PTPRM: variants seen among roughly 807,000 people sequenced by gnomAD.
PTPRM encodes receptor-type tyrosine-protein phosphatase mu.
A neutral mutation model predicts 186.7 loss-of-function variants in PTPRM; 47 were observed. That is an observed-to-expected ratio of 0.25 (90% CI 0.20 to 0.32). The LOEUF (loss-of-function observed/expected upper bound fraction) is 0.32, where lower values mean the gene tolerates loss of function less well. PTPRM is among the 10% of genes least tolerant of loss of function. The pLI, the probability that PTPRM is intolerant of heterozygous loss-of-function variation, is 1.00. For missense variants in PTPRM, 1,494 were observed against 1,865.0 expected, an observed-to-expected ratio of 0.80 and a Z score of 3.66; for synonymous variants, 668 against 674.9, an observed-to-expected ratio of 0.99 and a Z score of 0.16.
chr18:7,712,150 C>A (rs963456751), intron 1 of PTPRM, among the ~76,000 whole-genome samples: 1 of 152,174 alleles, frequency 6.6e-6, no homozygotes, highest in African/African-American at 2.4e-5. Context: ...TGGGACAAAG[C>A]TTCCAGAGGA....
At chr18:7,927,392 G>A (rs892199602) in intron 5 of PTPRM, among the ~76,000 whole-genome samples, 2 of 151,642 alleles carry the variant, frequency 1.3e-5, no homozygotes, top group Non-Finnish European at 2.9e-5. Context: ...TTTCTTTTAA[G>A]CATTAATCTG....
At chr18:8,153,283 G>C (rs868450526) in intron 14 of PTPRM, among the ~76,000 whole-genome samples, 2 of 152,156 alleles carry the variant, frequency 1.3e-5, no homozygotes, top group Admixed American at 6.5e-5. Context: ...TGTGACCCTA[G>C]CTAAATGTCA....
rs147502551 is a variant in PTPRM at position 7,855,747 on chromosome 18, C to T, written c.197-32359C>T. ...TATTTGGCAATGGAAAAATAGAGCCCTCCATCTGAGAAGACACTGTTTCCT... is the reference window on the plus strand; with the variant it reads ...TATTTGGCAATGGAAAAATAGAGCCTTCCATCTGAGAAGACACTGTTTCCT... On this transcript the variant is annotated intron_variant, in intron 2 of 32. Transcript: ENST00000580170. Among the ~76,000 whole-genome samples, 868 of 152,308 alleles carry T rather than the reference C, an allele frequency of 5.7e-3. 7 individuals carry two copies. The highest frequency in any genetic ancestry group is 0.02 in the African/African-American group (833 of 41,562).
At chr18:7,987,463 G>C (rs2083025008) in intron 7 of PTPRM, among the ~76,000 whole-genome samples, 1 of 152,102 alleles carries the variant, frequency 6.6e-6, no homozygotes, top group Non-Finnish European at 1.5e-5. Context: ...TCAGTGACTG[G>C]GGGAAGATTA....
At chr18:7,665,319 A>G (rs1320285980) in intron 1 of PTPRM, among the ~76,000 whole-genome samples, 1 of 152,202 alleles carries the variant, frequency 6.6e-6, no homozygotes, top group Non-Finnish European at 1.5e-5. Flanking sequence ...ACTGCATTCT[A>G]GAAATCTCAG....
At chr18:8,305,723 T>C (rs1456998515) in intron 20 of PTPRM, among the ~76,000 whole-genome samples, 2 of 152,182 alleles carry the variant, frequency 1.3e-5, no homozygotes, top group Non-Finnish European at 2.9e-5. Flanking sequence ...CAAACATTTC[T>C]CCTGTTTCCT....
At chr18:7,991,176 T>C (rs2083249469) in intron 7 of PTPRM, among the ~76,000 whole-genome samples, 1 of 152,174 alleles carries the variant, frequency 6.6e-6, no homozygotes, top group African/African-American at 2.4e-5. Context: ...AAAATTCTCT[T>C]TACAAACACT....
intron 2 of PTPRM, among the ~76,000 whole-genome samples, chr18:7,823,587 C>T (rs1329968559): frequency 3.3e-5 from 5 of 152,122 alleles, no homozygotes; most frequent in African/African-American, 9.7e-5. Context: ...CAGCTGCCAG[C>T]GCTGCTTGAA....
chr18:8,308,305 C>T (rs1415615404), intron 20 of PTPRM, among the ~76,000 whole-genome samples: 1 of 152,154 alleles, frequency 6.6e-6, no homozygotes, highest in Non-Finnish European at 1.5e-5. Context: ...CTTATTTGAG[C>T]ATGGTGTGAT....
chr18:8,261,668 G>A (rs897382266), intron 19 of PTPRM, among the ~76,000 whole-genome samples: 7 of 151,826 alleles, frequency 4.6e-5, no homozygotes, highest in South Asian at 2.1e-4. Flanking sequence ...TACAGTTTTC[G>A]TTTGCCCTTG....
At chr18:7,669,645 C>T (rs959388889) in intron 1 of PTPRM, among the ~76,000 whole-genome samples, 1 of 152,180 alleles carries the variant, frequency 6.6e-6, no homozygotes, top group East Asian at 1.9e-4. Context: ...AGTAAACTTC[C>T]TGATGGATAG....
chr18:7,740,283 A>G (rs2040860983), intron 1 of PTPRM, among the ~76,000 whole-genome samples: 1 of 152,208 alleles, frequency 6.6e-6, no homozygotes, highest in African/African-American at 2.4e-5. Flanking sequence ...GATTGACCTA[A>G]AAGGAGGAAA....
chr18:7,705,319 CTA>C (rs1382023988), intron 1 of PTPRM, among the ~76,000 whole-genome samples: 10 of 149,224 alleles, frequency 6.7e-5, no homozygotes, highest in African/African-American at 2.4e-4. Flanking sequence ...ATCTATCTAT[CTA>C]TCTATCTGTC....
intron 1 of PTPRM, among the ~76,000 whole-genome samples, chr18:7,743,428 C>T (rs1265470209): frequency 1.3e-5 from 2 of 152,148 alleles, no homozygotes; most frequent in Non-Finnish European, 2.9e-5. Flanking sequence ...TAGCTAATGT[C>T]AGTGAGTTGT....
intron 14 of PTPRM, among the ~76,000 whole-genome samples, chr18:8,168,053 G>T (rs1443495264): frequency 6.6e-6 from 1 of 152,174 alleles, no homozygotes; most frequent in Non-Finnish European, 1.5e-5. Flanking sequence ...GCAGGAAATG[G>T]TCTCTGCTTC....
intron 7 of PTPRM, among the ~76,000 whole-genome samples, chr18:8,057,465 T>C (rs2088093779): frequency 6.9e-6 from 1 of 145,330 alleles, no homozygotes; most frequent in African/African-American, 2.5e-5. Context: ...CTTTTTTTTT[T>C]ATTATACTTT....
intron 1 of PTPRM, among the ~76,000 whole-genome samples, chr18:7,574,065 C>T (rs1215885663): frequency 6.6e-6 from 1 of 152,182 alleles, no homozygotes; most frequent in East Asian, 1.9e-4. Flanking sequence ...GATTGGAGAA[C>T]CCTTGTTCTA....
chr18:7,594,567 G>A (rs765496174), intron 1 of PTPRM, among the ~76,000 whole-genome samples: 98 of 151,996 alleles, frequency 6.4e-4, no homozygotes, highest in Non-Finnish European at 1.1e-3. Context: ...TGTGTATATC[G>A]CTCATTAGAT....
At chr18:7,895,046 G>T (rs1340409421) in intron 3 of PTPRM, among the ~76,000 whole-genome samples, 11 of 152,146 alleles carry the variant, frequency 7.2e-5, no homozygotes, top group Admixed American at 7.2e-4. Flanking sequence ...TAAATTGTTT[G>T]CACATGGGCA....
Sources: gnomAD v4.1 joint callset for allele counts (sites outside exome capture counted in the v4.1 genomes callset) on GRCh38, gnomAD v4.1.1 for gene constraint, MANE v1.5 for transcripts, NCBI Gene and HGNC (gene_info 2026-07-23, HGNC 2026-07-21) for gene names.